The following ANGPT1 variants were observed in gnomAD, a reference collection of about 807,000 sequenced individuals.
The protein encoded by ANGPT1 is angiopoietin-1.
Under a neutral mutation model 62.2 loss-of-function variants are expected in ANGPT1, and 17 were observed. That is an observed-to-expected ratio of 0.27 (90% CI 0.19 to 0.41). The LOEUF (loss-of-function observed/expected upper bound fraction) is 0.41, where lower values mean the gene tolerates loss of function less well. ANGPT1 is among the 10% of genes least tolerant of loss of function. The pLI is 1.00. For missense variants in ANGPT1, 478 were observed against 594.9 expected, an observed-to-expected ratio of 0.80 and a Z score of 2.04; for synonymous variants, 199 against 198.9, an observed-to-expected ratio of 1.00 and a Z score of 0.00.
At chr8:107,459,853 T>G (rs191360235) in intron 1 of ANGPT1, among the ~76,000 whole-genome samples, 2 of 152,286 alleles carry the variant, frequency 1.3e-5, no homozygotes, top group Non-Finnish European at 2.9e-5. Flanking sequence ...GAATGAAAAT[T>G]TAAATTGACT....
chr8:107,303,221 C>T lies in ANGPT1; in HGVS notation c.936+19G>A. 6.2e-7 allele frequency: 1 copy of T among 1,607,270 alleles called. No homozygotes were observed. The highest frequency in any genetic ancestry group is 8.5e-7 in the Non-Finnish European group (1 of 1,175,896). ...TGGGATCTGGCTTACATCTTGTAAA[C>T]AAACACTTCTGGTTTTACCTTTTTG... On this transcript the variant is annotated intron_variant, in intron 5 of 8. Transcript: ENST00000517746.
At chr8:107,489,883 G>T (rs1812912886) in intron 1 of ANGPT1, among the ~76,000 whole-genome samples, 1 of 151,092 alleles carries the variant, frequency 6.6e-6, no homozygotes, top group Non-Finnish European at 1.5e-5. Flanking sequence ...GGATGACTCA[G>T]AATGTAATTA....
intron 1 of ANGPT1, among the ~76,000 whole-genome samples, chr8:107,389,674 T>C (rs956945936): frequency 6.6e-6 from 1 of 152,136 alleles, no homozygotes; most frequent in Non-Finnish European, 1.5e-5. Flanking sequence ...AACAATTATA[T>C]ACTGCCAAAG....
Position 107,251,668 on chromosome 8 carries a change from T to C in ANGPT1, c.*187A>G, listed in dbSNP as rs1037075807. The C allele has an allele frequency of 7.5e-5, 50 of 667,290 alleles. No individual in the cohort carries two copies. Among genetic ancestry groups the C allele is most frequent in the African/African-American group, 1.1e-4 (6 of 54,990 alleles). 41.3% of individuals were successfully genotyped at this position (667,290 alleles called of 1,614,324 possible). A position where few individuals can be genotyped will look rare whatever the true frequency, so the allele number is the denominator to read the frequency against. On this transcript the variant is annotated 3_prime_UTR_variant, in exon 9 of 9. Coordinates refer to ENST00000517746, the MANE Select transcript of ANGPT1 (RefSeq NM_001146.5). The stretch of plus-strand genomic sequence containing the variant: ...GCCACGTGAGCACTGTCACCCCAAG[T>C]AGAGACTCTTGTGAACTCAAACGGC...
At chr8:107,316,390 C>A (rs970323359) in intron 4 of ANGPT1, among the ~76,000 whole-genome samples, 1 of 152,138 alleles carries the variant, frequency 6.6e-6, no homozygotes, top group African/African-American at 2.4e-5. Context: ...CATTATTCAC[C>A]TCTCTGTGCT....
In ANGPT1 at chr8:107,339,060, G is replaced by A. The variant is rs577787489; in HGVS notation, c.454-2789C>T. On this transcript the variant is annotated intron_variant, in intron 2 of 8. Transcript: ENST00000517746. ...CAAAAATTTTAATTTCCAAAAGACA[G>A]TAAGTATTCTCCTCCATGTCCATTG... 3.3e-3 allele frequency among the ~76,000 whole-genome samples: 495 copies of A among 152,292 alleles called. 7 individuals carry two copies. The highest frequency in any genetic ancestry group is 0.012 in the African/African-American group (479 of 41,562).
intron 1 of ANGPT1, among the ~76,000 whole-genome samples, chr8:107,466,577 A>T (rs1425628604): frequency 6.6e-6 from 1 of 152,122 alleles, no homozygotes; most frequent in Non-Finnish European, 1.5e-5. Flanking sequence ...GCCAAGGAAA[A>T]TCCAAGGATT....
At chr8:107,443,746 G>A (rs1811538074) in intron 1 of ANGPT1, among the ~76,000 whole-genome samples, 1 of 151,376 alleles carries the variant, frequency 6.6e-6, no homozygotes, top group Non-Finnish European at 1.5e-5. Flanking sequence ...TTGAACACAG[G>A]AGGCAGAGGT....
At chr8:107,347,193 C>A in intron 1 of ANGPT1, 96 bp from the exon 2 acceptor site, 1 of 1,269,312 alleles carries the variant, frequency 7.9e-7, no homozygotes, top group Admixed American at 2.0e-5. Context: ...ACACCGCTGG[C>A]AAATCAGCCA....
intron 8 of ANGPT1, among the ~76,000 whole-genome samples, chr8:107,254,242 C>A (rs550266741): frequency 3.1e-4 from 47 of 152,078 alleles, no homozygotes; most frequent in African/African-American, 1.1e-3. Flanking sequence ...AAATGTAACA[C>A]CTGTCCTTAT....
intron 1 of ANGPT1, among the ~76,000 whole-genome samples, chr8:107,454,634 G>A (rs950919281): frequency 6.6e-5 from 10 of 151,982 alleles, no homozygotes; most frequent in Non-Finnish European, 8.8e-5. Flanking sequence ...TAAACAACCC[G>A]CTAATGCGCT....
rs1328208389 is a variant in ANGPT1 at position 107,251,186 on chromosome 8, T to G, written c.*669A>C. On this transcript the variant is annotated 3_prime_UTR_variant, in exon 9 of 9. Coordinates refer to ENST00000517746, the MANE Select transcript of ANGPT1 (RefSeq NM_001146.5). Reference sequence around the variant, plus strand: ...CAAAAATCAGAGTAATGGAGTTTGTTTCTACCACACACTTATTGTCCATGT... The same window carrying G: ...CAAAAATCAGAGTAATGGAGTTTGTGTCTACCACACACTTATTGTCCATGT... 6.6e-6 allele frequency: 1 copy of G among 152,132 alleles called. No homozygotes were observed. Among genetic ancestry groups the G allele is most frequent in the African/African-American group, 2.4e-5 (1 of 41,434 alleles). 9.4% of individuals were successfully genotyped at this position (152,132 alleles called of 1,614,324 possible).
chr8:107,439,310 A>C (rs1230922986), intron 1 of ANGPT1, among the ~76,000 whole-genome samples: 2 of 152,224 alleles, frequency 1.3e-5, no homozygotes, highest in Non-Finnish European at 2.9e-5. Context: ...TATTGTCCCC[A>C]TCTGTAAAAC....
chr8:107,303,443 T>C, intron 4 of ANGPT1, 76 bp from the exon 5 acceptor site: 1 of 1,241,608 alleles, frequency 8.1e-7, no homozygotes, highest in African/African-American at 1.5e-5. Flanking sequence ...CAATAATAGC[T>C]AAGCATGTCT....
At chr8:107,323,506 G>A (rs561710027) in intron 3 of ANGPT1, among the ~76,000 whole-genome samples, 2 of 152,186 alleles carry the variant, frequency 1.3e-5, no homozygotes, top group South Asian at 2.1e-4. Flanking sequence ...CCAGGTACTG[G>A]GGGACAAAGT....
At chr8:107,405,932 T>A (rs1363840026) in intron 1 of ANGPT1, among the ~76,000 whole-genome samples, 2 of 151,964 alleles carry the variant, frequency 1.3e-5, no homozygotes, top group Non-Finnish European at 2.9e-5. Flanking sequence ...TATAAACATT[T>A]TGAAGTCTTA....
intron 8 of ANGPT1, among the ~76,000 whole-genome samples, chr8:107,262,529 C>G (rs1481205811): frequency 6.6e-6 from 1 of 152,150 alleles, no homozygotes; most frequent in Non-Finnish European, 1.5e-5. Context: ...CAGAGTGGAT[C>G]TGGAGTTCAA....
chr8:107,489,510 C>T (rs181037883), intron 1 of ANGPT1, among the ~76,000 whole-genome samples: 1 of 152,262 alleles, frequency 6.6e-6, no homozygotes, highest in East Asian at 1.9e-4. Context: ...TAGCTACTTT[C>T]TCTGTTCAAA....
At chr8:107,349,622 A>C (rs933691543) in intron 1 of ANGPT1, among the ~76,000 whole-genome samples, 1 of 152,092 alleles carries the variant, frequency 6.6e-6, no homozygotes, top group Non-Finnish European at 1.5e-5. Flanking sequence ...TAAACTTCAC[A>C]ATTATATATG....
Sources: gnomAD v4.1 joint callset for allele counts (sites outside exome capture counted in the v4.1 genomes callset) on GRCh38, gnomAD v4.1.1 for gene constraint, MANE v1.5 for transcripts, NCBI Gene and HGNC (gene_info 2026-07-23, HGNC 2026-07-21) for gene names.